The following PCDHGA11 variants were observed in gnomAD, a reference collection of about 807,000 sequenced individuals.
The protein encoded by PCDHGA11 is protocadherin gamma subfamily A, 11.
Under a neutral mutation model 60.4 loss-of-function variants are expected in PCDHGA11, and 39 were observed. That is an observed-to-expected ratio of 0.65 (90% CI 0.50 to 0.84). The LOEUF (loss-of-function observed/expected upper bound fraction) is 0.84, where lower values mean the gene tolerates loss of function less well. PCDHGA11 is among the 40% of genes least tolerant of loss of function. The probability of loss-of-function intolerance (pLI) is 0.00; values close to 1 mark genes in which losing one functional copy is unlikely to be tolerated. For missense variants in PCDHGA11, 1,165 were observed against 1,197.7 expected (o/e 0.97, Z 0.40); for synonymous variants, 533 against 510.3 (o/e 1.04, Z -0.60).
chr5:141,432,435 C>T lies in PCDHGA11; in HGVS notation c.2433+8775C>T. 1 of 1,614,212 alleles carries T rather than the reference C, an allele frequency of 6.2e-7. No homozygotes were observed. Among genetic ancestry groups the T allele is most frequent in the Non-Finnish European group, 8.5e-7 (1 of 1,180,038 alleles). The stretch of plus-strand genomic sequence containing the variant: ...TTCGTGCTGGACCAGAACGACAATG[C>T]GCCCGAGATCCTGTACCCCGCCCTC... On this transcript the variant is annotated intron_variant, in intron 1 of 3. Transcript: ENST00000398587. This position sits in a 1 kb window ranked among gnomAD's most constrained non-coding sequence, Gnocchi z 6.0.
At chr5:141,450,829 A>ATTTTT (rs373424450) in intron 1 of PCDHGA11, among the ~76,000 whole-genome samples, 3 of 135,122 alleles carry the variant, frequency 2.2e-5, no homozygotes, top group Admixed American at 7.6e-5. Flanking sequence ...TATTATTATT[A>ATTTTT]TTTTTTTTTT....
chr5:141,478,392 A>G, intron 1 of PCDHGA11: 1 of 1,613,560 alleles, frequency 6.2e-7, no homozygotes, highest in Non-Finnish European at 8.5e-7. Context: ...CTTTACCATC[A>G]GGTGTATCTC....
rs1247067983 is a variant in PCDHGA11, at chr5:141,511,327, C to T, written c.*154C>T. ...CCCTTGGGAAACAGAAACAAGTGCC[C>T]AGTCAGCACCTACCCCTTCCCCCCC... On this transcript the variant is annotated 3_prime_UTR_variant, in exon 4 of 4. Transcript: ENST00000398587. 28 of 1,455,454 alleles carry T rather than the reference C, an allele frequency of 1.9e-5. No individual in the cohort carries two copies. Among genetic ancestry groups the T allele is most frequent in the Admixed American group, 2.4e-5 (1 of 41,734 alleles). 90.2% of individuals were successfully genotyped at this position (1,455,454 alleles called of 1,614,324 possible). A position where few individuals can be genotyped will look rare whatever the true frequency, so the allele number is the denominator to read the frequency against.
In PCDHGA11 at chr5:141,423,409, G is replaced by T. The variant is rs1168604361; in HGVS notation, c.2182G>T (p.Ala728Ser). The T allele has an allele frequency of 6.2e-7, 1 of 1,614,148 alleles. No individual in the cohort carries two copies. Among genetic ancestry groups the T allele is most frequent in the South Asian group, 1.1e-5 (1 of 91,082 alleles). The change falls in exon 1 of 4, where the codon GCT becomes TCT. Residue 728 changes from alanine (A) to serine (S), a missense_variant. By Grantham distance (99) the Ala-to-Ser change is moderately conservative (BLOSUM62 1). Transcript: ENST00000398587. ...WRWHKSRLLQ[A>S]SEGGLAGMPT... ...CTGGCATAAGTCACGCCTGCTGCAG[G>T]CTTCTGAAGGCGGGTTGGCAGGTAT...
intron 1 of PCDHGA11, chr5:141,475,890 G>C: frequency 1.8e-6 from 1 of 565,896 alleles, no homozygotes; most frequent in South Asian, 2.3e-5. Flanking sequence ...CTGGGACTCT[G>C]TGTGCCGCTG....
chr5:141,494,962 T>G (rs1644946600), intron 2 of PCDHGA11, 97 bp downstream of exon 2: 4 of 1,596,756 alleles, frequency 2.5e-6, no homozygotes, highest in Non-Finnish European at 3.4e-6. Context: ...TTGCTACAGA[T>G]GGCTTCTCCC....
Position 141,477,202 on chromosome 5 carries a change from C to G in PCDHGA11, c.2434-17605C>G. 1 of 1,614,182 alleles carries G rather than the reference C, an allele frequency of 6.2e-7. No homozygotes were observed. The highest frequency in any genetic ancestry group is 1.1e-5 in the South Asian group (1 of 91,074). On this transcript the variant is annotated intron_variant, in intron 1 of 3. Transcript: ENST00000398587. This position sits in a 1 kb window ranked among gnomAD's most constrained non-coding sequence, Gnocchi z 4.9. ...TCACCTCCGTGTACAGCCCAGTACC[C>G]GAGGATGCCCCTCTGGGGACTGTCA...
intron 1 of PCDHGA11, chr5:141,428,054 G>A (rs763394113): frequency 6.2e-7 from 1 of 1,609,038 alleles, no homozygotes; most frequent in Admixed American, 1.7e-5. Context: ...CCAAGGTGGT[G>A]GCGGTGGACG....
At chr5:141,480,221 T>C (rs2099514536) in intron 1 of PCDHGA11, among the ~76,000 whole-genome samples, 1 of 149,748 alleles carries the variant, frequency 6.7e-6, no homozygotes, top group Admixed American at 6.7e-5. Context: ...CTGAGCGACA[T>C]AGTGAGATCC....
rs758205179 is a variant in PCDHGA11 at position 141,477,813 on chromosome 5, A to G, written c.2434-16994A>G. ...ACTGATCGCAATGACAATGCCCCCC[A>G]GGTCCTATATCCTCGGCCAGGTGGG... On this transcript the variant is annotated intron_variant, in intron 1 of 3. Transcript: ENST00000398587. This position sits in a 1 kb window ranked among gnomAD's most constrained non-coding sequence, Gnocchi z 4.9. The G allele has an allele frequency of 8.1e-6, 13 of 1,614,002 alleles. No homozygotes were observed. The East Asian group carries it at 2.7e-4, about 33-fold the overall frequency.
Position 141,489,147 on chromosome 5 carries a change from A to G in PCDHGA11, c.2434-5660A>G. On this transcript the variant is annotated intron_variant, in intron 1 of 3. Coordinates refer to ENST00000398587, the MANE Select transcript of PCDHGA11 (RefSeq NM_018914.3). The surrounding 1 kb of genome is among the most constrained non-coding windows in gnomAD (Gnocchi z 4.5). ...GCAGTTTTTAAGAGGCTGGAAGGAG[A>G]CATAAGAGACTTCAGCTGCTGCATT... The G allele has an allele frequency of 1.2e-6, 1 of 802,676 alleles. No homozygotes were observed. Among genetic ancestry groups the G allele is most frequent in the Non-Finnish European group, 1.9e-6 (1 of 528,868 alleles). 49.7% of individuals were successfully genotyped at this position (802,676 alleles called of 1,614,324 possible). A position where few individuals can be genotyped will look rare whatever the true frequency, so the allele number is the denominator to read the frequency against.
Position 141,499,370 on chromosome 5 carries a change from A to T in PCDHGA11, c.2492+4505A>T, listed in dbSNP as rs546430948. ...CATTCAACAAACAAATAGCAACTTA[A>T]TTTTTTTCCACTTATAAAATAGTAC... On this transcript the variant is annotated intron_variant, in intron 2 of 3. Coordinates refer to ENST00000398587, the MANE Select transcript of PCDHGA11 (RefSeq NM_018914.3). 2.0e-3 allele frequency among the ~76,000 whole-genome samples: 300 copies of T among 152,286 alleles called. 1 individual carries two copies. The highest frequency in any genetic ancestry group is 2.7e-3 in the Non-Finnish European group (184 of 68,028).
At chr5:141,447,549 A>T (rs1387130901) in intron 1 of PCDHGA11, among the ~76,000 whole-genome samples, 1 of 152,216 alleles carries the variant, frequency 6.6e-6, no homozygotes, top group Non-Finnish European at 1.5e-5. Context: ...TAATGTTATG[A>T]GTACACTTGG....
chr5:141,443,018 A>G (rs2098358800), intron 1 of PCDHGA11, among the ~76,000 whole-genome samples: 1 of 152,208 alleles, frequency 6.6e-6, no homozygotes, highest in Admixed American at 6.5e-5. Flanking sequence ...TGACTAATGG[A>G]AGTTGCCAGA....
Position 141,438,021 on chromosome 5 carries a change from G to T in PCDHGA11, c.2433+14361G>T, listed in dbSNP as rs112167613. ...CTCCCAAATAGCTGAGATTACAGGT[G>T]TGAGCCACCATGCCCGACCACTTTG... On this transcript the variant is annotated intron_variant, in intron 1 of 3. Transcript: ENST00000398587. Among the ~76,000 whole-genome samples the T allele has an allele frequency of 1.6e-3, 250 of 152,256 alleles. 2 individuals are homozygous for T. Among genetic ancestry groups the T allele is most frequent in the African/African-American group, 5.3e-3 (221 of 41,544 alleles).
chr5:141,437,945 C>A (rs1204633193), intron 1 of PCDHGA11, among the ~76,000 whole-genome samples: 1 of 152,112 alleles, frequency 6.6e-6, no homozygotes, highest in Non-Finnish European at 1.5e-5. Flanking sequence ...ACCATATTGG[C>A]CAGAATGGTC....
chr5:141,422,123 C>A lies in PCDHGA11; in HGVS notation c.896C>A (p.Thr299Asn). The change falls in exon 1 of 4, where the codon ACT (threonine) becomes AAT (asparagine). Residue 299 changes from threonine to asparagine, a missense_variant. Coordinates refer to ENST00000398587, the MANE Select transcript of PCDHGA11 (RefSeq NM_018914.3). The stretch of plus-strand genomic sequence containing the variant: ...GAAATATTCCAATTGGATTCACAAA[C>A]TGGAGAAGTTCAAGTACGGGGGTCT... Reference protein sequence around the residue: ...ASEIFQLDSQTGEVQVRGSLD... With the variant: ...ASEIFQLDSQNGEVQVRGSLD... 6.2e-7 allele frequency: 1 copy of A among 1,601,290 alleles called. No homozygotes were observed. Among genetic ancestry groups the A allele is most frequent in the South Asian group, 1.1e-5 (1 of 88,326 alleles).
In PCDHGA11 at chr5:141,477,982, G is replaced by A; in HGVS notation, c.2434-16825G>A. ...CTAACCAGAGCCTTTTTGCCATAGG[G>A]CTGCACACTGGTCAAATCAGTACTG... is the stretch of plus-strand genomic sequence containing the variant. On this transcript the variant is annotated intron_variant, in intron 1 of 3. Transcript: ENST00000398587. The surrounding 1 kb of genome is among the most constrained non-coding windows in gnomAD (Gnocchi z 4.9). 6.2e-7 allele frequency: 1 copy of A among 1,614,066 alleles called. No individual in the cohort carries two copies. Among genetic ancestry groups the A allele is most frequent in the Non-Finnish European group, 8.5e-7 (1 of 1,180,014 alleles).
intron 1 of PCDHGA11, among the ~76,000 whole-genome samples, chr5:141,492,854 G>A (rs1361942466): frequency 6.6e-6 from 1 of 152,212 alleles, no homozygotes; most frequent in Non-Finnish European, 1.5e-5. Flanking sequence ...AAAGCCTCGA[G>A]CGCCCTGGCT....
Sources: gnomAD v4.1 joint callset for allele counts (sites outside exome capture counted in the v4.1 genomes callset) on GRCh38, gnomAD v4.1.1 for gene constraint, Gnocchi (gnomAD v3.1) non-coding constraint, MANE v1.5 for transcripts, NCBI Gene and HGNC (gene_info 2026-07-23, HGNC 2026-07-21) for gene names.